SETBP1: variants seen among roughly 807,000 people sequenced by gnomAD.
SETBP1 encodes SET-binding protein.
A neutral mutation model predicts 101.0 loss-of-function variants in SETBP1; 9 were observed. The ratio of observed to expected loss-of-function variants is 0.09; its 90% CI spans 0.05 to 0.16. The LOEUF (loss-of-function observed/expected upper bound fraction) is 0.16. Among genes scored for constraint, SETBP1 ranks in the 10% least tolerant of loss-of-function variants. The probability of loss-of-function intolerance (pLI) is 1.00; values close to 1 mark genes in which losing one functional copy is unlikely to be tolerated. For missense variants in SETBP1, 1,858 were observed against 2,033.8 expected (o/e 0.91, Z 1.66); for synonymous variants, 818 against 788.5 (o/e 1.04, Z -0.63).
At chr18:45,051,779 TCC>T (rs1282351738) in intron 5 of SETBP1, among the ~76,000 whole-genome samples, 1 of 152,232 alleles carries the variant, frequency 6.6e-6, no homozygotes. Context: ...CTTGCTTTAG[TCC>T]ATGTTTTTGT....
chr18:44,921,946 G>A (rs16978231), intron 3 of SETBP1, among the ~76,000 whole-genome samples: 5,439 of 152,242 alleles, frequency 0.036, 304 homozygotes, highest in African/African-American at 0.12. Flanking sequence ...TTTGTGATGA[G>A]AGTGGTTACT....
At chr18:44,865,764 G>A (rs2069115109) in intron 2 of SETBP1, among the ~76,000 whole-genome samples, 1 of 152,198 alleles carries the variant, frequency 6.6e-6, no homozygotes. Flanking sequence ...AAAGGCAAGG[G>A]GGTTGTGACG....
chr18:45,033,474 A>C (rs890625696), intron 4 of SETBP1, among the ~76,000 whole-genome samples: 1 of 152,196 alleles, frequency 6.6e-6, no homozygotes, highest in African/African-American at 2.4e-5. Context: ...TGCAAGCTTA[A>C]AAACCACTAA....
intron 3 of SETBP1, among the ~76,000 whole-genome samples, chr18:44,919,020 G>A (rs2070514748): frequency 6.6e-6 from 1 of 152,212 alleles, no homozygotes; most frequent in African/African-American, 2.4e-5. Context: ...GCTCGGCCCA[G>A]TGCCCTTTTC....
At chr18:44,958,913 C>T (rs958087124) in intron 4 of SETBP1, among the ~76,000 whole-genome samples, 5 of 151,946 alleles carry the variant, frequency 3.3e-5, no homozygotes, top group Non-Finnish European at 7.4e-5. Context: ...TCCCAAGTTT[C>T]CTCCTAAGGT....
chr18:45,037,472 C>T (rs756212862), intron 4 of SETBP1, among the ~76,000 whole-genome samples: 8 of 152,120 alleles, frequency 5.3e-5, no homozygotes, highest in Non-Finnish European at 8.8e-5. Context: ...AGGCACGGTT[C>T]TAAGCTCTTT....
At chr18:45,023,018 T>G (rs1231552877) in intron 4 of SETBP1, among the ~76,000 whole-genome samples, 2 of 152,178 alleles carry the variant, frequency 1.3e-5, no homozygotes, top group Non-Finnish European at 2.9e-5. Context: ...CAGGCCTGGA[T>G]AACCAGTAGC....
intron 3 of SETBP1, among the ~76,000 whole-genome samples, chr18:44,940,288 T>C (rs1472656829): frequency 1.3e-5 from 2 of 152,192 alleles, no homozygotes; most frequent in Non-Finnish European, 2.9e-5. Context: ...ATAAGCAGCA[T>C]ATAGTTCAGT....
intron 2 of SETBP1, among the ~76,000 whole-genome samples, chr18:44,840,347 A>G (rs1393268385): frequency 3.9e-5 from 6 of 152,222 alleles, no homozygotes; most frequent in Non-Finnish European, 7.3e-5. Flanking sequence ...CAGCAGTGAC[A>G]TGGCGCTACC....
intron 2 of SETBP1, among the ~76,000 whole-genome samples, chr18:44,704,239 A>T (rs777653125): frequency 6.6e-6 from 1 of 152,202 alleles, no homozygotes; most frequent in Admixed American, 6.5e-5. Context: ...TCATATCTGA[A>T]GTTCTCAGGC....
At chr18:44,787,698 C>CA (rs1437626028) in intron 2 of SETBP1, among the ~76,000 whole-genome samples, 1 of 142,272 alleles carries the variant, frequency 7.0e-6, no homozygotes, top group East Asian at 2.0e-4. Context: ...ACTAAAAATA[C>CA]AAAAAATTAG....
chr18:45,014,790 G>A (rs944067193), intron 4 of SETBP1, among the ~76,000 whole-genome samples: 1 of 152,070 alleles, frequency 6.6e-6, no homozygotes, highest in Non-Finnish European at 1.5e-5. Context: ...AAATGAGAAT[G>A]AATATAATGC....
In SETBP1 at chr18:45,063,142, G is replaced by A; in HGVS notation, c.4235G>A (p.Arg1412Gln). Residue 1412 changes from arginine (R) to glutamine (Q), a missense_variant, in exon 6 of 6, where the codon CGG becomes CAG. Transcript: ENST00000649279. ...REIEAIQCEV[R>Q]KMCNYTKILS... ...ATCGAAGCCATCCAGTGCGAAGTGC[G>A]GAAGATGTGCAACTACACCAAGATC... The A allele has an allele frequency of 1.2e-6, 2 of 1,613,938 alleles. No homozygotes were observed. The highest frequency in any genetic ancestry group is 1.7e-6 in the Non-Finnish European group (2 of 1,179,998).
At chr18:44,875,108 A>T (rs986333513) in intron 3 of SETBP1, among the ~76,000 whole-genome samples, 1 of 152,174 alleles carries the variant, frequency 6.6e-6, no homozygotes, top group Non-Finnish European at 1.5e-5. Flanking sequence ...GGAATCTCTG[A>T]GTTACCAGGT....
intron 2 of SETBP1, among the ~76,000 whole-genome samples, chr18:44,726,937 G>A (rs573502229): frequency 6.3e-4 from 96 of 152,268 alleles, no homozygotes; most frequent in Admixed American, 3.0e-3. Context: ...TCTTACCATC[G>A]TGAGGGTGGA....
chr18:45,031,686 A>G (rs2073300851), intron 4 of SETBP1, among the ~76,000 whole-genome samples: 1 of 152,200 alleles, frequency 6.6e-6, no homozygotes, highest in African/African-American at 2.4e-5. Flanking sequence ...AGTACCTAGT[A>G]TCTACCAAGC....
chr18:44,904,647 A>G (rs1041945641), intron 3 of SETBP1, among the ~76,000 whole-genome samples: 19 of 152,196 alleles, frequency 1.2e-4, no homozygotes, highest in Admixed American at 9.8e-4. Context: ...AGACCTGGTC[A>G]TCTGTGGTTA....
At chr18:44,827,441 A>G (rs1010415525) in intron 2 of SETBP1, among the ~76,000 whole-genome samples, 3 of 152,232 alleles carry the variant, frequency 2.0e-5, no homozygotes, top group African/African-American at 7.2e-5. Context: ...ACTTTGGAAT[A>G]GGTCGGTTCT....
intron 4 of SETBP1, among the ~76,000 whole-genome samples, chr18:45,028,146 A>T (rs1336568869): frequency 6.8e-6 from 1 of 147,996 alleles, no homozygotes; most frequent in Admixed American, 6.7e-5. Flanking sequence ...TATCTCCTAA[A>T]GCTATCCCTC....
Sources: gnomAD v4.1 joint callset for allele counts (sites outside exome capture counted in the v4.1 genomes callset) on GRCh38, gnomAD v4.1.1 for gene constraint, MANE v1.5 for transcripts, NCBI Gene and HGNC (gene_info 2026-07-23, HGNC 2026-07-21) for gene names.